ADAM22: variants seen among roughly 807,000 people sequenced by gnomAD.
ADAM22 encodes the protein ADAM metallopeptidase domain 22.
ADAM22 carries 65 observed loss-of-function variants against 144.6 expected under a neutral mutation model. The observed-to-expected ratio is 0.45, with a 90% CI of 0.37 to 0.55. ADAM22 has a LOEUF of 0.55. Ranked by LOEUF, ADAM22 falls within the 20% of genes least tolerant of loss-of-function variation. The pLI is 0.00. For missense variants in ADAM22, 974 were observed against 1,184.9 expected (o/e 0.82, Z 2.61); for synonymous variants, 391 against 412.6 (o/e 0.95, Z 0.63).
rs1168313760 is a variant in ADAM22 at position 88,182,005 on chromosome 7, C to T, written c.2644C>T (p.Pro882Ser). 1.7e-5 allele frequency: 27 copies of T among 1,613,682 alleles called. No homozygotes were observed. The highest frequency in any genetic ancestry group is 2.3e-5 in the Non-Finnish European group (27 of 1,179,728). Residue 882 changes from proline to serine, a missense_variant, in exon 29 of 32, where the codon CCT (proline) becomes TCT (serine). Physicochemically the swap from Pro to Ser is moderately conservative, Grantham distance 74 (BLOSUM62 -1). This residue lies in a region of ADAM22 where 734 missense variants were observed against 950.6 expected (regional missense o/e 0.77). Transcript: ENST00000413139. Reference protein sequence around the residue: ...KKKIRGKRFRPRSNSTEYLNP... With the variant: ...KKKIRGKRFRSRSNSTEYLNP... ...GAAAATCAGAGGCAAAAGATTTAGA[C>T]CTCGGTCTAATTCAACTGAGTAAGT... is the stretch of plus-strand genomic sequence containing the variant.
intron 7 of ADAM22, among the ~76,000 whole-genome samples, chr7:88,124,263 C>T (rs1336120492): frequency 1.3e-5 from 2 of 151,624 alleles, no homozygotes; most frequent in Non-Finnish European, 3.0e-5. Flanking sequence ...TCAGGTCTGT[C>T]ACTTTTTACT....
intron 2 of ADAM22, among the ~76,000 whole-genome samples, chr7:87,968,304 G>A (rs894915422): frequency 2.0e-5 from 3 of 152,130 alleles, no homozygotes; most frequent in Admixed American, 1.3e-4. Flanking sequence ...AAATGTTGAT[G>A]CCTGGGATCC....
intron 17 of ADAM22, among the ~76,000 whole-genome samples, chr7:88,148,000 T>C (rs1837057162): frequency 1.3e-5 from 2 of 152,176 alleles, no homozygotes; most frequent in Admixed American, 6.6e-5. Flanking sequence ...AAATATTTGA[T>C]GAATGGATGA....
At chr7:88,169,044 C>A (rs1163703137) in intron 25 of ADAM22, among the ~76,000 whole-genome samples, 1 of 152,096 alleles carries the variant, frequency 6.6e-6, no homozygotes, top group Non-Finnish European at 1.5e-5. Flanking sequence ...GTACCTGGCC[C>A]ACAGTAAGCA....
intron 3 of ADAM22, among the ~76,000 whole-genome samples, chr7:87,994,316 A>C (rs537636130): frequency 4.9e-4 from 75 of 152,036 alleles, no homozygotes; most frequent in African/African-American, 1.8e-3. Context: ...GCCCGCCACC[A>C]CGCCCGGCTA....
intron 3 of ADAM22, among the ~76,000 whole-genome samples, chr7:87,992,089 C>T (rs1267526009): frequency 6.6e-6 from 1 of 152,174 alleles, no homozygotes; most frequent in Non-Finnish European, 1.5e-5. Flanking sequence ...ATCTATAGTG[C>T]AAGATGGTAT....
intron 2 of ADAM22, among the ~76,000 whole-genome samples, chr7:87,973,788 G>A (rs950987917): frequency 3.9e-5 from 6 of 152,074 alleles, no homozygotes; most frequent in Non-Finnish European, 2.9e-5. Context: ...GTCCTTTGTA[G>A]GGACATGGAT....
intron 3 of ADAM22, 91 bp downstream of exon 3, chr7:87,978,503 T>G: frequency 9.3e-7 from 1 of 1,076,088 alleles, no homozygotes; most frequent in South Asian, 1.4e-5. Flanking sequence ...ATATTTTACT[T>G]TGTCTTCCTA....
chr7:88,076,810 A>G (rs1167900372), intron 4 of ADAM22, among the ~76,000 whole-genome samples: 1 of 152,102 alleles, frequency 6.6e-6, no homozygotes, highest in African/African-American at 2.4e-5. Flanking sequence ...CCAAGTGTTT[A>G]TTTTCTTCTG....
intron 14 of ADAM22, among the ~76,000 whole-genome samples, chr7:88,139,341 C>T (rs1027605009): frequency 1.3e-5 from 2 of 151,892 alleles, no homozygotes; most frequent in African/African-American, 2.4e-5. Flanking sequence ...TTGCTTGAAC[C>T]CAGGAGGCAG....
At chr7:88,148,863 A>T in intron 17 of ADAM22, 114 bp from the exon 18 acceptor site, 1 of 723,852 alleles carries the variant, frequency 1.4e-6, no homozygotes, top group Non-Finnish European at 2.3e-6. Flanking sequence ...TTACCATCTT[A>T]CAGTAGTTTA....
intron 3 of ADAM22, among the ~76,000 whole-genome samples, chr7:88,045,692 A>T (rs1804463390): frequency 1.3e-5 from 2 of 151,852 alleles, no homozygotes; most frequent in African/African-American, 4.8e-5. Flanking sequence ...CACCCTCCTC[A>T]CTTCCTCCAG....
At chr7:88,083,958 C>T (rs1385657905) in intron 4 of ADAM22, among the ~76,000 whole-genome samples, 2 of 152,008 alleles carry the variant, frequency 1.3e-5, no homozygotes, top group Non-Finnish European at 2.9e-5. Flanking sequence ...CCTTTTATTC[C>T]CATCCCTTTT....
At chr7:88,016,616 GATGTTTA>G (rs1563031391) in intron 3 of ADAM22, among the ~76,000 whole-genome samples, 1 of 152,098 alleles carries the variant, frequency 6.6e-6, no homozygotes, top group Non-Finnish European at 1.5e-5. Context: ...ACCACTGTAT[GATGTTTA>G]AGATTACCTT....
chr7:87,965,748 A>G (rs1345145149), intron 2 of ADAM22, among the ~76,000 whole-genome samples: 1 of 152,222 alleles, frequency 6.6e-6, no homozygotes, highest in Non-Finnish European at 1.5e-5. Flanking sequence ...GTAAACCTTG[A>G]TGTGAAGAAC....
chr7:88,173,388 C>A (rs970200061), intron 26 of ADAM22, among the ~76,000 whole-genome samples: 3 of 151,586 alleles, frequency 2.0e-5, no homozygotes, highest in Non-Finnish European at 4.4e-5. Flanking sequence ...TCAACACAAC[C>A]TTTTTTTTGT....
chr7:87,976,083 C>G (rs1019808320), intron 2 of ADAM22, among the ~76,000 whole-genome samples: 2 of 152,052 alleles, frequency 1.3e-5, no homozygotes, highest in African/African-American at 4.8e-5. Flanking sequence ...TAACAACCTT[C>G]GAATGAATCA....
At chr7:88,033,517 A>G (rs1236695225) in intron 3 of ADAM22, among the ~76,000 whole-genome samples, 4 of 152,198 alleles carry the variant, frequency 2.6e-5, no homozygotes, top group Non-Finnish European at 2.9e-5. Flanking sequence ...ATAGCACTGC[A>G]TCTTGCCCAA....
rs567729067 is a variant in ADAM22 at position 88,185,410 on chromosome 7, C to T, written c.2664-1205C>T. 1.5e-4 allele frequency among the ~76,000 whole-genome samples: 23 copies of T among 152,074 alleles called. No individual in the cohort carries two copies. In the East Asian group the frequency reaches 3.3e-3, roughly 22 times the overall value. ...GAAATGTAGTCTTCCATGTTTATGA[C>T]GAGCTCAATAACTAAATATGGGAGA... On this transcript the variant is annotated intron_variant, in intron 29 of 31. Transcript: ENST00000413139.
Sources: allele counts gnomAD v4.1 joint callset (sites outside exome capture counted in the v4.1 genomes callset), GRCh38; gene constraint gnomAD v4.1.1; regional missense constraint gnomAD v4.1.1; transcripts MANE v1.5; gene names NCBI Gene and HGNC (gene_info 2026-07-23, HGNC 2026-07-21).